Variants in FGF13 observed in about 807,000 individuals in gnomAD.
The protein encoded by FGF13 is fibroblast growth factor 13.
In FGF13, 2 loss-of-function variants were observed where a neutral mutation model predicts 19.5. That is an observed-to-expected ratio of 0.10 (90% CI 0.04 to 0.32). The LOEUF (loss-of-function observed/expected upper bound fraction) is 0.32, where lower values mean the gene tolerates loss of function less well. Ranked by LOEUF, FGF13 falls within the 10% of genes least tolerant of loss-of-function variation. FGF13 has a pLI of 1.00. For missense variants in FGF13, 113 were observed against 192.7 expected (o/e 0.59, Z 2.45); for synonymous variants, 72 against 76.9 (o/e 0.94, Z 0.33).
intron 1 of FGF13, among the ~76,000 whole-genome samples, chrX:139,133,099 T>C (rs1362842603): frequency 3.6e-5 from 4 of 111,247 alleles, no homozygotes; most frequent in Non-Finnish European, 5.7e-5. Context: ...GTTCTTTATA[T>C]ACTAATGTAC....
At chrX:138,696,216 T>C (rs2089893733) in intron 3 of FGF13, among the ~76,000 whole-genome samples, 1 of 112,353 alleles carries the variant, frequency 8.9e-6, no homozygotes, top group Non-Finnish European at 1.9e-5. Flanking sequence ...AACTTTATGC[T>C]AAGTGAAAGG....
At chrX:138,849,721 A>G (rs1328413626) in intron 3 of FGF13, among the ~76,000 whole-genome samples, 2 of 111,754 alleles carry the variant, frequency 1.8e-5, no homozygotes, top group Non-Finnish European at 1.9e-5. Flanking sequence ...AAACTCCAGA[A>G]AAGTTGGCAA....
intron 1 of FGF13, among the ~76,000 whole-genome samples, chrX:139,103,313 G>A (rs1401127404): frequency 8.9e-6 from 1 of 112,177 alleles, no homozygotes; most frequent in Admixed American, 9.5e-5. Context: ...ACAAAATGTA[G>A]CATGTCCATA....
chrX:139,153,990 C>G (rs1449290996), intron 1 of FGF13, among the ~76,000 whole-genome samples: 1 of 111,662 alleles, frequency 9.0e-6, no homozygotes, highest in Non-Finnish European at 1.9e-5. Flanking sequence ...AGACTTCTAG[C>G]CTCCAGAACT....
intron 3 of FGF13, among the ~76,000 whole-genome samples, chrX:138,760,664 GT>G (rs1202186443): frequency 8.9e-6 from 1 of 112,145 alleles, no homozygotes; most frequent in Non-Finnish European, 1.9e-5. Flanking sequence ...AGCTCAGCAA[GT>G]TTAACTACTT....
intron 3 of FGF13, among the ~76,000 whole-genome samples, chrX:138,695,836 G>A (rs1022297650): frequency 8.9e-6 from 1 of 112,160 alleles, no homozygotes. Flanking sequence ...AGGCACTGGG[G>A]ATATAGTAGT....
intron 3 of FGF13, among the ~76,000 whole-genome samples, chrX:138,665,088 C>T (rs2089527335): frequency 9.0e-6 from 1 of 110,674 alleles, no homozygotes; most frequent in Admixed American, 9.7e-5. Context: ...TCATAGTCTT[C>T]TACCCTGGAG....
chrX:138,703,895 G>T, intron 2 of FGF13, among the ~76,000 whole-genome samples: 1 of 110,987 alleles, frequency 9.0e-6, no homozygotes, highest in Non-Finnish European at 1.9e-5. Flanking sequence ...TGTATTTTTA[G>T]TAGAGACGGG....
chrX:138,807,070 G>A (rs1264103594), intron 3 of FGF13: 1 of 111,267 alleles, frequency 9.0e-6, no homozygotes, highest in Non-Finnish European at 1.9e-5. Context: ...ATAGTCCCAA[G>A]GAAAAGAATG....
At chrX:138,803,638 C>T (rs2090845539) in intron 3 of FGF13, among the ~76,000 whole-genome samples, 1 of 112,301 alleles carries the variant, frequency 8.9e-6, no homozygotes. Context: ...TGCATGACAT[C>T]TGAGCCCCAG....
chrX:138,918,153 T>C (rs2091627388), intron 1 of FGF13, among the ~76,000 whole-genome samples: 1 of 64,361 alleles, frequency 1.6e-5, no homozygotes, highest in Non-Finnish European at 3.0e-5. Context: ...TCTGCTTCTT[T>C]AAACAGAAGA....
intron 1 of FGF13, among the ~76,000 whole-genome samples, chrX:138,961,372 A>T (rs148833118): frequency 1.8e-5 from 2 of 111,114 alleles, no homozygotes; most frequent in African/African-American, 6.5e-5. Flanking sequence ...GCAGAACACG[A>T]TCCTTCCTCT....
chrX:138,982,121 G>A (rs1409993123), intron 1 of FGF13, among the ~76,000 whole-genome samples: 1 of 111,664 alleles, frequency 9.0e-6, no homozygotes, highest in Admixed American at 9.6e-5. Flanking sequence ...AATCAAGGTT[G>A]GGAGAAGGTC....
chrX:139,094,654 G>A (rs2083459073), intron 1 of FGF13, among the ~76,000 whole-genome samples: 1 of 112,428 alleles, frequency 8.9e-6, no homozygotes, highest in Non-Finnish European at 1.9e-5. Flanking sequence ...GGCACTTAAG[G>A]ACTAACTGAA....
intron 1 of FGF13, among the ~76,000 whole-genome samples, chrX:139,130,240 A>C (rs1480497591): frequency 9.0e-6 from 1 of 111,668 alleles, no homozygotes; most frequent in East Asian, 2.8e-4. Context: ...CATCTTTCTT[A>C]TATTTTGTCT....
chrX:138,989,981 T>C lies in FGF13; in HGVS notation c.-112-125331A>G, dbSNP rs969557021. Among the ~76,000 whole-genome samples, 32 of 111,879 alleles carry C rather than the reference T, an allele frequency of 2.9e-4. No homozygotes were observed. The Admixed American group carries it at 3.0e-3, about 11-fold the overall frequency. On this transcript the variant is annotated intron_variant, in intron 1 of 2. Transcript: ENST00000421460. ...GACTTAGTATAAATTTCCAGGCAGA[T>C]ATTTTTAAAGGCTTTATAAAAACAA...
rs1039549822 is a variant in FGF13, at chrX:138,774,550, C to A, written c.218-65622G>T. On this transcript the variant is annotated intron_variant, in intron 3 of 6. Coordinates refer to the FGF13 transcript ENST00000436198. ...TTGGTGCCAGAGTCCTTGCTCTTACCCACCATTCCAAACCATTATGCTTTC... is the reference window on the plus strand; with the variant it reads ...TTGGTGCCAGAGTCCTTGCTCTTACACACCATTCCAAACCATTATGCTTTC... 5.4e-5 allele frequency among the ~76,000 whole-genome samples: 6 copies of A among 111,448 alleles called. No homozygotes were observed. The East Asian group carries it at 1.7e-3, about 32-fold the overall frequency.
At chrX:139,203,936 C>T (rs1280105451), upstream of FGF13, 1 of 703,047 alleles carries the variant, frequency 1.4e-6, no homozygotes, top group Non-Finnish European at 2.2e-6. Context: ...CCCGGGGTCG[C>T]AGAGGTCATG....
chrX:139,004,218 G>T (rs1287349247), intron 1 of FGF13, among the ~76,000 whole-genome samples: 1 of 112,820 alleles, frequency 8.9e-6, no homozygotes, highest in Non-Finnish European at 1.9e-5. Context: ...CAGCGCCGGT[G>T]GGCTGGCACT....
Sources: allele counts gnomAD v4.1 joint callset (sites outside exome capture counted in the v4.1 genomes callset), GRCh38; gene constraint gnomAD v4.1.1; transcripts MANE v1.5; gene names NCBI Gene and HGNC (gene_info 2026-07-23, HGNC 2026-07-21).